SUCO: variants seen among roughly 807,000 people sequenced by gnomAD.
SUCO encodes SUN domain containing ossification factor, also known as SUN domain-containing ossification factor.
Under a neutral mutation model 148.1 loss-of-function variants are expected in SUCO, and 57 were observed. The ratio of observed to expected loss-of-function variants is 0.38; its 90% CI spans 0.31 to 0.48. The LOEUF (loss-of-function observed/expected upper bound fraction) is 0.48. SUCO is among the 20% of genes least tolerant of loss of function. The pLI is 0.96. For missense variants in SUCO, 1,331 were observed against 1,468.2 expected, an observed-to-expected ratio of 0.91 and a Z score of 1.53; for synonymous variants, 470 against 502.7, an observed-to-expected ratio of 0.93 and a Z score of 0.87.
At chr1:172,599,558 C>T (rs1657363226) in intron 19 of SUCO, 2 of 208,338 alleles carry the variant, frequency 9.6e-6, no homozygotes, top group Non-Finnish European at 1.7e-5. Flanking sequence ...GTTGGATGAA[C>T]AATTATGGAT....
At chr1:172,558,258 A>G (rs1243753386) in intron 6 of SUCO, among the ~76,000 whole-genome samples, 1 of 152,160 alleles carries the variant, frequency 6.6e-6, no homozygotes. Flanking sequence ...ACCACCTTAT[A>G]TTTTAGAGTG....
chr1:172,599,568 T>G (rs1233146770), intron 19 of SUCO: 1 of 195,700 alleles, frequency 5.1e-6, no homozygotes, highest in Non-Finnish European at 9.3e-6. Context: ...CAATTATGGA[T>G]ATTTCACTAT....
chr1:172,590,538 C>G (rs886191081), intron 18 of SUCO: 2 of 189,880 alleles, frequency 1.1e-5, no homozygotes, highest in Non-Finnish European at 1.9e-5. Context: ...GTCCTTAGGG[C>G]TTCTCTACCA....
At chr1:172,556,692 A>G (rs1653784342) in intron 4 of SUCO, 3 of 985,112 alleles carry the variant, frequency 3.0e-6, no homozygotes, top group Non-Finnish European at 2.4e-6. Flanking sequence ...TACCATTTAG[A>G]AGCTTGTCTC....
intron 19 of SUCO, 37 bp downstream of exon 19, chr1:172,591,108 A>G: frequency 1.3e-6 from 2 of 1,492,624 alleles, no homozygotes; most frequent in Non-Finnish European, 1.9e-6. Context: ...TTTTATATAA[A>G]TTTCCACTGA....
At chr1:172,552,651 CA>C in intron 2 of SUCO, 24 of 976,324 alleles carry the variant, frequency 2.5e-5, no homozygotes, top group South Asian at 4.7e-5. Flanking sequence ...CCGCATATCT[CA>C]AAAAAAACTA....
At chr1:172,555,497 C>T (rs1020641797) in intron 3 of SUCO, among the ~76,000 whole-genome samples, 1 of 152,140 alleles carries the variant, frequency 6.6e-6, no homozygotes, top group African/African-American at 2.4e-5. Flanking sequence ...TCCTAAACTG[C>T]TCAGGGTCAA....
chr1:172,554,940 G>A (rs545539287), intron 3 of SUCO, among the ~76,000 whole-genome samples: 37 of 151,448 alleles, frequency 2.4e-4, no homozygotes, highest in African/African-American at 6.8e-4. Flanking sequence ...TATATTCTCC[G>A]GACTGCGTGC....
intron 4 of SUCO, chr1:172,557,079 C>T: frequency 1.0e-6 from 1 of 978,356 alleles, no homozygotes. Context: ...TTTGAAAGAC[C>T]AAATATTAAC....
chr1:172,564,359 G>C (rs1192769338), intron 6 of SUCO, among the ~76,000 whole-genome samples: 1 of 152,234 alleles, frequency 6.6e-6, no homozygotes, highest in African/African-American at 2.4e-5. Context: ...CCTGAAAGCA[G>C]TTATGGGGGC....
chr1:172,582,937 C>G (rs1033127697), intron 15 of SUCO, among the ~76,000 whole-genome samples: 2 of 152,112 alleles, frequency 1.3e-5, no homozygotes, highest in Non-Finnish European at 2.9e-5. Context: ...AAGCTACTTT[C>G]TTTACACAGA....
At chr1:172,579,323 C>A in intron 15 of SUCO, 56 bp downstream of exon 15, 2 of 1,113,180 alleles carry the variant, frequency 1.8e-6, no homozygotes, top group Non-Finnish European at 2.7e-6. Flanking sequence ...CTGACACACA[C>A]AGACATTTTG....
At chr1:172,560,898 A>G (rs1055323689) in intron 6 of SUCO, among the ~76,000 whole-genome samples, 1 of 152,224 alleles carries the variant, frequency 6.6e-6, no homozygotes, top group Non-Finnish European at 1.5e-5. Context: ...TGGAGACCCT[A>G]TGGGGTGTGA....
At chr1:172,559,388 G>A (rs904170715) in intron 6 of SUCO, among the ~76,000 whole-genome samples, 3 of 152,276 alleles carry the variant, frequency 2.0e-5, no homozygotes, top group South Asian at 2.1e-4. Context: ...ATTTTTATAA[G>A]TGTATGTTTC....
At chr1:172,590,265 A>G in intron 18 of SUCO, 2 of 899,978 alleles carry the variant, frequency 2.2e-6, no homozygotes, top group Non-Finnish European at 2.7e-6. Flanking sequence ...GAAAAAAATG[A>G]TAGTATATAG....
At position 172,557,199 on chromosome 1, in the gene SUCO, GA is replaced by G. The variant is rs1040012088; in HGVS notation, c.444-78del. On this transcript the variant is annotated intron_variant, in intron 4 of 23. Coordinates refer to ENST00000263688, the MANE Select transcript of SUCO (RefSeq NM_014283.5). ...TTTCTTTGGTTTACATTATGTTTTG[GA>G]AATCACTAATAGTGTTTTTAATGTA... 3.4e-6 allele frequency: 5 copies of G among 1,477,232 alleles called. No individual in the cohort carries two copies. In the African/African-American group the frequency reaches 7.1e-5, roughly 21 times the overall value. The allele number at this position is 1,477,232 out of a possible 1,614,324, so 91.5% of individuals were successfully genotyped here.
chr1:172,576,613 GA>G (rs1463327074), intron 11 of SUCO, among the ~76,000 whole-genome samples: 1 of 151,630 alleles, frequency 6.6e-6, no homozygotes, highest in Admixed American at 6.6e-5. Flanking sequence ...TCACTCTGAA[GA>G]GGCAAAAACG....
chr1:172,552,498 T>TGC (rs1653377797), intron 2 of SUCO: 1 of 265,542 alleles, frequency 3.8e-6, no homozygotes, highest in Non-Finnish European at 5.8e-6. Context: ...CTGCCATGTG[T>TGC]GCACACATGT....
chr1:172,609,811 T>C lies in SUCO; in HGVS notation c.3322-5T>C. On this transcript the variant is annotated splice_region_variant and splice_polypyrimidine_tract_variant and intron_variant, in intron 23 of 23. Transcript: ENST00000263688. ...TTACTAACTTTTCTTTTACTTGTGT[T>C]GTAGAAGAAGCGCTGCAAGTACAAA... is the stretch of plus-strand genomic sequence containing the variant. The C allele has an allele frequency of 1.3e-6, 2 of 1,588,088 alleles. No homozygotes were observed. Among genetic ancestry groups the C allele is most frequent in the Non-Finnish European group, 1.7e-6 (2 of 1,171,860 alleles).
Sources: gnomAD v4.1 joint callset for allele counts (sites outside exome capture counted in the v4.1 genomes callset) on GRCh38, gnomAD v4.1.1 for gene constraint, MANE v1.5 for transcripts, NCBI Gene and HGNC (gene_info 2026-07-23, HGNC 2026-07-21) for gene names.